HLCS: variants seen among roughly 807,000 people sequenced by gnomAD.
HLCS encodes the protein holocarboxylase synthetase.
A neutral mutation model predicts 75.0 loss-of-function variants in HLCS; 53 were observed. That is an observed-to-expected ratio of 0.71 (90% CI 0.57 to 0.89). The LOEUF (loss-of-function observed/expected upper bound fraction) is 0.89. Ranked by LOEUF, HLCS falls within the 40% of genes least tolerant of loss-of-function variation. The pLI, the probability that HLCS is intolerant of heterozygous loss-of-function variation, is 0.00. For missense variants in HLCS, 966 were observed against 1,074.0 expected (o/e 0.90, Z 1.41); for synonymous variants, 431 against 428.6 (o/e 1.01, Z -0.07).
At chr21:36,783,427 G>C (rs755903436) in intron 6 of HLCS, among the ~76,000 whole-genome samples, 2 of 152,136 alleles carry the variant, frequency 1.3e-5, no homozygotes, top group Admixed American at 6.5e-5. Flanking sequence ...ACATCAAAGA[G>C]GCAGTAATTC....
At chr21:36,902,831 A>G (rs1487001176) in intron 5 of HLCS, among the ~76,000 whole-genome samples, 1 of 152,192 alleles carries the variant, frequency 6.6e-6, no homozygotes, top group Non-Finnish European at 1.5e-5. Context: ...AGAAGTCCGC[A>G]TGATTTTGTG....
intron 1 of HLCS, among the ~76,000 whole-genome samples, chr21:36,965,510 G>T (rs1459996001): frequency 6.6e-6 from 1 of 152,162 alleles, no homozygotes; most frequent in Non-Finnish European, 1.5e-5. Flanking sequence ...AGGTGACAGA[G>T]TGGGCTGAAC....
At chr21:36,851,017 T>C (rs1187301164) in intron 6 of HLCS, among the ~76,000 whole-genome samples, 3 of 152,188 alleles carry the variant, frequency 2.0e-5, no homozygotes, top group South Asian at 2.1e-4. Context: ...GGTTAGGAAC[T>C]GTGTACTCCA....
chr21:36,750,227 GA>G lies in HLCS; in HGVS notation c.*4018del, dbSNP rs201993686. 2.0e-3 allele frequency among the ~76,000 whole-genome samples: 300 copies of G among 150,898 alleles called. No homozygotes were observed. The highest frequency in any genetic ancestry group is 6.9e-3 in the African/African-American group (285 of 41,050). ...ACATATGCCTCTCTTTTACAAAAAAGAAAAAAAAATCATCGTAGGCCCTAAC... is the reference window on the plus strand; with the variant it reads ...ACATATGCCTCTCTTTTACAAAAAAGAAAAAAAATCATCGTAGGCCCTAAC... On this transcript the variant is annotated 3_prime_UTR_variant, in exon 11 of 11. Coordinates refer to ENST00000674895, the MANE Select transcript of HLCS (RefSeq NM_001352514.2).
chr21:36,850,998 G>C (rs534985347), intron 6 of HLCS, among the ~76,000 whole-genome samples: 3 of 152,130 alleles, frequency 2.0e-5, no homozygotes, highest in African/African-American at 4.8e-5. Flanking sequence ...ACAGGTGATG[G>C]GCAGGGTGGG....
chr21:36,789,314 T>C (rs1343345377), intron 6 of HLCS, among the ~76,000 whole-genome samples: 1 of 152,226 alleles, frequency 6.6e-6, no homozygotes, highest in Non-Finnish European at 1.5e-5. Flanking sequence ...ATCCATTTAA[T>C]GTTACAAACA....
chr21:36,817,340 A>G (rs932703886), intron 6 of HLCS, among the ~76,000 whole-genome samples: 4 of 152,194 alleles, frequency 2.6e-5, no homozygotes, highest in Non-Finnish European at 5.9e-5. Context: ...TTTCCACCAA[A>G]TGACCCTGCA....
intron 6 of HLCS, among the ~76,000 whole-genome samples, chr21:36,858,251 T>G (rs1314720731): frequency 6.6e-6 from 1 of 152,210 alleles, no homozygotes; most frequent in African/African-American, 2.4e-5. Context: ...TCATTCATAT[T>G]TTAATATTTA....
intron 2 of HLCS, among the ~76,000 whole-genome samples, chr21:36,955,203 T>C (rs2067875977): frequency 6.6e-6 from 1 of 152,198 alleles, no homozygotes; most frequent in African/African-American, 2.4e-5. Flanking sequence ...AGGACACATG[T>C]GCAGTGAAAG....
At chr21:36,778,221 T>A (rs559029737) in intron 6 of HLCS, among the ~76,000 whole-genome samples, 6 of 152,206 alleles carry the variant, frequency 3.9e-5, no homozygotes, top group South Asian at 2.1e-4. Context: ...CGCCCACCTC[T>A]GCCTCCCAAA....
intron 2 of HLCS, among the ~76,000 whole-genome samples, chr21:36,941,734 G>C (rs2067150365): frequency 6.6e-6 from 1 of 152,222 alleles, no homozygotes; most frequent in Non-Finnish European, 1.5e-5. Context: ...GCTGGGCGCG[G>C]TGTCTCACGC....
At chr21:36,887,049 G>A (rs2064500043) in intron 6 of HLCS, among the ~76,000 whole-genome samples, 2 of 151,708 alleles carry the variant, frequency 1.3e-5, no homozygotes, top group South Asian at 2.1e-4. Flanking sequence ...ATAATTGCTT[G>A]ATCCCCGGAG....
At chr21:36,960,145 C>T (rs890116672) in intron 2 of HLCS, among the ~76,000 whole-genome samples, 23 of 102,584 alleles carry the variant, frequency 2.2e-4, no homozygotes, top group African/African-American at 8.5e-4. Flanking sequence ...CCCCCCCCCC[C>T]GACCCTGCAC....
intron 4 of HLCS, among the ~76,000 whole-genome samples, chr21:36,935,049 C>T (rs142580270): frequency 1.4e-3 from 218 of 152,170 alleles, no homozygotes; most frequent in African/African-American, 5.0e-3. Flanking sequence ...CTATGTAACT[C>T]GGAGAAATGG....
At chr21:36,761,471 A>G (rs2089841415) in intron 8 of HLCS, among the ~76,000 whole-genome samples, 1 of 152,110 alleles carries the variant, frequency 6.6e-6, no homozygotes, top group Non-Finnish European at 1.5e-5. Flanking sequence ...GGGGGTGCGC[A>G]ATGACCCAGA....
chr21:36,807,084 GA>G (rs1490062801), intron 6 of HLCS, among the ~76,000 whole-genome samples: 15 of 152,240 alleles, frequency 9.9e-5, no homozygotes, highest in African/African-American at 3.6e-4. Context: ...AAGCAAGACA[GA>G]AGTCACCCAG....
chr21:36,759,583 ATCTATACCCTGC>A (rs1167562895), intron 9 of HLCS, 132 bp downstream of exon 9: 1 of 664,806 alleles, frequency 1.5e-6, no homozygotes, highest in African/African-American at 1.8e-5. Context: ...ATCTCTCTGC[ATCTATACCCTGC>A]TCCAAAACTA....
At chr21:36,969,811 G>A (rs1437991186), upstream of HLCS, among the ~76,000 whole-genome samples, 3 of 152,108 alleles carry the variant, frequency 2.0e-5, no homozygotes, top group African/African-American at 4.8e-5. Context: ...AACCTCAGGT[G>A]ATCGTCCCAC....
intron 5 of HLCS, among the ~76,000 whole-genome samples, chr21:36,920,510 CTAAAA>C (rs1167615931): frequency 6.6e-6 from 1 of 151,934 alleles, no homozygotes; most frequent in African/African-American, 2.4e-5. Flanking sequence ...GCTCAAATAA[CTAAAA>C]TAATATAATT....
Sources: allele counts gnomAD v4.1 joint callset (sites outside exome capture counted in the v4.1 genomes callset), GRCh38; gene constraint gnomAD v4.1.1; transcripts MANE v1.5; gene names NCBI Gene and HGNC (gene_info 2026-07-23, HGNC 2026-07-21).